Variants in SEMA4F observed in about 807,000 individuals in gnomAD.
SEMA4F encodes the protein ssemaphorin 4F, also known as semaphorin-4F.
SEMA4F carries 51 observed loss-of-function variants against 78.4 expected under a neutral mutation model. The observed-to-expected ratio is 0.65, with a 90% CI of 0.52 to 0.82. The LOEUF (loss-of-function observed/expected upper bound fraction) is 0.82. Ranked by LOEUF, SEMA4F falls within the 40% of genes least tolerant of loss-of-function variation. SEMA4F has a pLI of 0.00. For missense variants in SEMA4F, 938 were observed against 1,014.4 expected (o/e 0.92, Z 1.02); for synonymous variants, 418 against 408.7 (o/e 1.02, Z -0.27).
chr2:74,687,240 G>T (rs1013402765), downstream of SEMA4F, among the ~76,000 whole-genome samples: 22 of 152,160 alleles, frequency 1.4e-4, no homozygotes, highest in African/African-American at 4.8e-4. Context: ...AGAACTAGTT[G>T]TTTCCCCTGA....
At chr2:74,671,563 T>C (rs887109633) in intron 5 of SEMA4F, among the ~76,000 whole-genome samples, 9 of 152,252 alleles carry the variant, frequency 5.9e-5, no homozygotes, top group Admixed American at 5.2e-4. Context: ...AGTGCTCTCT[T>C]CTGGCTTTAC....
Position 74,679,879 on chromosome 2 carries a change from G to A in SEMA4F, c.1983G>A (p.Ala661=), listed in dbSNP as rs762468479. 9.9e-6 allele frequency: 16 copies of A among 1,614,074 alleles called. No homozygotes were observed. Among genetic ancestry groups the A allele is most frequent in the East Asian group, 2.2e-5 (1 of 44,896 alleles). The change falls in exon 14 of 14, where the codon GCG becomes GCA. Residue 661 remains alanine (A), a synonymous_variant. Transcript: ENST00000357877. ...CGAGCCGGGCCCACACAGTGGGGGC[G>A]GGACTGGCTGGCTTCTTCTTGGGGA... is the stretch of plus-strand genomic sequence containing the variant. ...DAPSRAHTVG[A]GLAGFFLGIL... is the part of the protein sequence containing the mutation.
the SEMA4F span, among the ~76,000 whole-genome samples, chr2:74,696,577 G>A: frequency 6.6e-6 from 1 of 152,058 alleles, no homozygotes; most frequent in Non-Finnish European, 1.5e-5. Flanking sequence ...ATGTGGGAAG[G>A]GGGTGAGGGA....
At chr2:74,689,318 C>A in the SEMA4F span, among the ~76,000 whole-genome samples, 9 of 151,962 alleles carry the variant, frequency 5.9e-5, no homozygotes, top group Non-Finnish European at 2.9e-5. Flanking sequence ...GTCTATGGAA[C>A]CAGAAAAAAC....
rs1444240208 is a variant in SEMA4F, at chr2:74,656,606, C to T, written c.218C>T (p.Ala73Val). 1 of 1,614,026 alleles carries T rather than the reference C, an allele frequency of 6.2e-7. No individual in the cohort carries two copies. Among genetic ancestry groups the T allele is most frequent in the African/African-American group, 1.3e-5 (1 of 74,924 alleles). Residue 73 changes from alanine to valine, a missense_variant, in exon 2 of 14, where the codon GCC becomes GTC. Physicochemically the swap from Ala to Val is moderately conservative, Grantham distance 64. Transcript: ENST00000357877. ...YNYSVLLVDP[A>V]SHTLYVGARD... ...TACTCTGTTCTCCTTGTGGATCCTG[C>T]CTCCCACACACTTTATGTTGGCGCC... is the stretch of plus-strand genomic sequence containing the variant.
rs370927433 is a variant in SEMA4F, at chr2:74,675,660, A to C, written c.1482+26A>C. On this transcript the variant is annotated intron_variant, in intron 11 of 13. Coordinates refer to ENST00000357877, the MANE Select transcript of SEMA4F (RefSeq NM_004263.5). ...GTGAGTTGTAGATTTTGGAGAGTCT[A>C]TTGGGGAGACATCTGAGTCCAGAGC... 2.5e-6 allele frequency: 4 copies of C among 1,612,858 alleles called. No individual in the cohort carries two copies. In the African/African-American group the frequency reaches 4.0e-5, roughly 16 times the overall value.
rs1684254378 is a variant in SEMA4F at position 74,658,132 on chromosome 2, G to T, written c.456+181G>T. On this transcript the variant is annotated intron_variant, in intron 4 of 13. Transcript: ENST00000357877. The surrounding 1 kb of genome is among the most constrained non-coding windows in gnomAD (Gnocchi z 4.3). The stretch of plus-strand genomic sequence containing the variant: ...CTGTCCTCATGGGATGAGGGTATGT[G>T]TAAGCCACTGAGGGAGGGAAAGGGA... Among the ~76,000 whole-genome samples, 2 of 152,164 alleles carry T rather than the reference G, an allele frequency of 1.3e-5. No homozygotes were observed. Among genetic ancestry groups the T allele is most frequent in the Admixed American group, 6.5e-5 (1 of 15,280 alleles).
Position 74,656,540 on chromosome 2 carries a change from A to C in SEMA4F, c.152A>C (p.Asp51Ala). Residue 51 changes from aspartate (D) to alanine (A), a missense_variant, in exon 2 of 14, where the codon GAC (aspartate) becomes GCC (alanine). Physicochemically the swap from Asp to Ala is moderately radical, Grantham distance 126 (BLOSUM62 -2). Coordinates refer to ENST00000357877, the MANE Select transcript of SEMA4F (RefSeq NM_004263.5). Reference sequence around the variant, plus strand: ...TCTCCTCTCTTCCTGCCAGAGGCTGACTCCTGTCTCACCCGGTTCGCAGTC... The same window carrying C: ...TCTCCTCTCTTCCTGCCAGAGGCTGCCTCCTGTCTCACCCGGTTCGCAGTC... ...PRTSLPISEA[D>A]SCLTRFAVPH... 6.2e-7 allele frequency: 1 copy of C among 1,613,096 alleles called. No homozygotes were observed.
chr2:74,706,538 A>G, the SEMA4F span, among the ~76,000 whole-genome samples: 5 of 152,262 alleles, frequency 3.3e-5, no homozygotes, highest in East Asian at 3.9e-4. Context: ...GGAATCAGCA[A>G]TTGAGGCTAG....
downstream of SEMA4F, among the ~76,000 whole-genome samples, chr2:74,686,076 A>C (rs1173608833): frequency 1.3e-5 from 2 of 151,996 alleles, no homozygotes; most frequent in African/African-American, 4.8e-5. Context: ...GCTGGAGAGG[A>C]TGTGGAGAAA....
At chr2:74,671,000 A>G (rs1684952582) in intron 5 of SEMA4F, among the ~76,000 whole-genome samples, 1 of 137,716 alleles carries the variant, frequency 7.3e-6, no homozygotes, top group South Asian at 2.1e-4. Context: ...CTCTTTGTTT[A>G]TCTTATTTAA....
At chr2:74,703,231 AG>A in the SEMA4F span, among the ~76,000 whole-genome samples, 2 of 152,194 alleles carry the variant, frequency 1.3e-5, no homozygotes, top group Non-Finnish European at 2.9e-5. Flanking sequence ...AGCTGGGGGA[AG>A]ATACAAAAAA....
rs1261065185 is a variant in SEMA4F at position 74,682,564 on chromosome 2, A to G, written c.*2355A>G. On this transcript the variant is annotated 3_prime_UTR_variant, in exon 14 of 14. Transcript: ENST00000357877. Reference sequence around the variant, plus strand: ...TTTCTAGGTTTTAGGAGGCAGATCTATGATTTTTGTAATCCTCAGACCTGT... The same window carrying G: ...TTTCTAGGTTTTAGGAGGCAGATCTGTGATTTTTGTAATCCTCAGACCTGT... The G allele has an allele frequency of 6.6e-6, 1 of 152,366 alleles. No individual in the cohort carries two copies. Among genetic ancestry groups the G allele is most frequent in the African/African-American group, 2.4e-5 (1 of 41,550 alleles). The allele number at this position is 152,366 out of a possible 1,614,324, so 9.4% of individuals were successfully genotyped here.
intron 1 of SEMA4F, among the ~76,000 whole-genome samples, chr2:74,654,951 G>T (rs867271671): frequency 6.6e-6 from 1 of 152,122 alleles, no homozygotes; most frequent in Non-Finnish European, 1.5e-5. Flanking sequence ...CCAGCTTGAC[G>T]CCCACTCTGC....
chr2:74,664,689 G>A (rs1024684986), intron 5 of SEMA4F, among the ~76,000 whole-genome samples: 1 of 152,008 alleles, frequency 6.6e-6, no homozygotes, highest in Non-Finnish European at 1.5e-5. Flanking sequence ...ATGACACCTT[G>A]TTTTTATTTG....
At position 74,654,360 on chromosome 2, in the gene SEMA4F, G is replaced by C. The variant is rs1461251401; in HGVS notation, c.-17G>C. ...GGCCGTAGCTTGCGCCGCACCCGCG[G>C]CCAGGCGGAGCCAAAGATGCCGGCC... On this transcript the variant is annotated 5_prime_UTR_variant, in exon 1 of 14. Coordinates refer to ENST00000357877, the MANE Select transcript of SEMA4F (RefSeq NM_004263.5). The C allele has an allele frequency of 6.8e-7, 1 of 1,477,314 alleles. No individual in the cohort carries two copies. The highest frequency in any genetic ancestry group is 8.9e-7 in the Non-Finnish European group (1 of 1,121,404). The allele number at this position is 1,477,314 out of a possible 1,614,324, so 91.5% of individuals were successfully genotyped here.
chr2:74,674,653 T>A lies in SEMA4F; in HGVS notation c.978T>A (p.Phe326Leu). Residue 326 changes from phenylalanine to leucine, a missense_variant, in exon 8 of 14, where the codon TTT (phenylalanine) becomes TTA (leucine). By Grantham distance (22) the Phe-to-Leu change is conservative (BLOSUM62 0). Coordinates refer to ENST00000357877, the MANE Select transcript of SEMA4F (RefSeq NM_004263.5). Reference protein sequence around the residue: ...RPELGAGTPIFYGIFSSQWEG... With the variant: ...RPELGAGTPILYGIFSSQWEG... ...AGCTTGGGGCAGGGACTCCCATCTT[T>A]TATGGCATCTTTTCTTCCCAGTGGT... 6.2e-7 allele frequency: 1 copy of A among 1,614,028 alleles called. No individual in the cohort carries two copies. Among genetic ancestry groups the A allele is most frequent in the Non-Finnish European group, 8.5e-7 (1 of 1,179,972 alleles).
chr2:74,684,654 A>G (rs1685775589), downstream of SEMA4F, among the ~76,000 whole-genome samples: 1 of 152,172 alleles, frequency 6.6e-6, no homozygotes, highest in African/African-American at 2.4e-5. Flanking sequence ...CCACAGTACT[A>G]AGCATTTGTG....
At chr2:74,674,771 C>G in intron 8 of SEMA4F, 95 bp downstream of exon 8, 1 of 1,554,782 alleles carries the variant, frequency 6.4e-7, no homozygotes, top group Non-Finnish European at 8.7e-7. Context: ...GGCAGGCTCT[C>G]CCGCCTTTGG....
Sources: allele counts gnomAD v4.1 joint callset (sites outside exome capture counted in the v4.1 genomes callset), GRCh38; gene constraint gnomAD v4.1.1; non-coding constraint Gnocchi (gnomAD v3.1); transcripts MANE v1.5; gene names NCBI Gene and HGNC (gene_info 2026-07-23, HGNC 2026-07-21).